The following GHRHR variants were observed in gnomAD, a reference collection of about 807,000 sequenced individuals.
The protein encoded by GHRHR is growth hormone-releasing hormone receptor.
A neutral mutation model predicts 58.3 loss-of-function variants in GHRHR; 40 were observed. That is an observed-to-expected ratio of 0.69 (90% CI 0.53 to 0.89). GHRHR has a LOEUF of 0.89. Ranked by LOEUF, GHRHR falls within the 40% of genes least tolerant of loss-of-function variation. The pLI is 0.00. For missense variants in GHRHR, 551 were observed against 541.3 expected (o/e 1.02, Z -0.18); for synonymous variants, 249 against 216.6 (o/e 1.15, Z -1.31).
chr7:30,967,680 T>TC (rs1303618293), intron 1 of GHRHR, among the ~76,000 whole-genome samples: 1 of 151,380 alleles, frequency 6.6e-6, no homozygotes, highest in African/African-American at 2.4e-5. Flanking sequence ...CTTCCTTCCT[T>TC]CTTTTCTGCC....
Position 30,979,219 on chromosome 7 carries a change from CA to C in GHRHR, c.1250del (p.Lys417ArgfsTer3), listed in dbSNP as rs771060895. On this transcript the variant is annotated frameshift_variant, in exon 13 of 13. Transcript: ENST00000326139. LOFTEE classifies it high-confidence loss of function. ...AKWTTPSRSA[A>X]KVLTSMC ...TGGACCACGCCTTCCCGCTCGGCGGCAAAGGTGCTGACATCTATGTGCTAGG... is the reference window on the plus strand; with the variant it reads ...TGGACCACGCCTTCCCGCTCGGCGGCAAGGTGCTGACATCTATGTGCTAGG... 44 of 1,614,020 alleles carry C rather than the reference CA, an allele frequency of 2.7e-5. No homozygotes were observed. The African/African-American group carries it at 4.0e-4, about 15-fold the overall frequency.
chr7:30,967,647 G>C (rs777922742), intron 1 of GHRHR, among the ~76,000 whole-genome samples: 9 of 143,778 alleles, frequency 6.3e-5, no homozygotes, highest in Non-Finnish European at 1.2e-4. Context: ...CTGTCTGTCT[G>C]TATACTCATC....
At chr7:30,973,508 G>A (rs112237725) in intron 6 of GHRHR, among the ~76,000 whole-genome samples, 2 of 152,168 alleles carry the variant, frequency 1.3e-5, no homozygotes, top group African/African-American at 4.8e-5. Context: ...CTGCTCCCCT[G>A]CCGGCAGGTG....
chr7:30,967,647 G>A (rs777922742), intron 1 of GHRHR, among the ~76,000 whole-genome samples: 1 of 143,778 alleles, frequency 7.0e-6, no homozygotes, highest in Non-Finnish European at 1.5e-5. Flanking sequence ...CTGTCTGTCT[G>A]TATACTCATC....
In GHRHR at chr7:30,976,420, T is replaced by C. The variant is rs549927188; in HGVS notation, c.975-9T>C. ...AGTCTTGGGAGCCTAGGATTTGTCTTTCCTGCAGGCGTCTCTCCAAGTCGA... is the reference window on the plus strand; with the variant it reads ...AGTCTTGGGAGCCTAGGATTTGTCTCTCCTGCAGGCGTCTCTCCAAGTCGA... On this transcript the variant is annotated splice_polypyrimidine_tract_variant and intron_variant, in intron 10 of 12. Transcript: ENST00000326139. 1.6e-5 allele frequency: 26 copies of C among 1,612,846 alleles called. No homozygotes were observed. The East Asian group carries it at 4.0e-4, about 25-fold the overall frequency.
In GHRHR at chr7:30,964,191, A is replaced by G. The variant is rs534727781; in HGVS notation, c.57+66A>G. 337 of 1,388,206 alleles carry G rather than the reference A, an allele frequency of 2.4e-4. 2 individuals are homozygous for G. The highest frequency in any genetic ancestry group is 8.9e-4 in the Middle Eastern group (4 of 4,506). 86.0% of individuals were successfully genotyped at this position (1,388,206 alleles called of 1,614,324 possible). ...CTCCAGATTTGGGAGCCACAGGGCC[A>G]ACTGGAGCCTGGCGGAGACCCTACT... On this transcript the variant is annotated intron_variant, in intron 1 of 12. Coordinates refer to ENST00000326139, the MANE Select transcript of GHRHR (RefSeq NM_000823.4).
At chr7:30,972,152 A>C (rs1792493810) in intron 6 of GHRHR, 57 bp downstream of exon 6, 2 of 1,593,916 alleles carry the variant, frequency 1.3e-6, no homozygotes, top group Non-Finnish European at 8.6e-7. Context: ...GTAGGATTAC[A>C]GACCCAGATG....
In GHRHR at chr7:30,975,019, G is replaced by C. The variant is rs759443322; in HGVS notation, c.861G>C (p.Gly287=). The change falls in exon 9 of 13, where the codon GGG becomes GGC. Residue 287 remains glycine, a synonymous_variant. Transcript: ENST00000326139. ...CCCCCTACTGGTGGATCATCAAAGG[G>C]CCCATTGTCCTCTCGGTCGGGGTCA... ...DTSPYWWIIK[G]PIVLSVGVNF... is the part of the protein sequence containing the mutation. The C allele has an allele frequency of 1.2e-6, 2 of 1,612,544 alleles. No individual in the cohort carries two copies. Among genetic ancestry groups the C allele is most frequent in the Non-Finnish European group, 1.7e-6 (2 of 1,178,622 alleles).
intron 12 of GHRHR, 103 bp from the exon 13 acceptor site, chr7:30,979,016 T>C: frequency 9.1e-7 from 1 of 1,104,326 alleles, no homozygotes; most frequent in South Asian, 1.2e-5. Context: ...GCCCCATGTC[T>C]CTGTTTCTCT....
intron 10 of GHRHR, chr7:30,976,076 A>G: frequency 5.0e-6 from 3 of 602,462 alleles, no homozygotes; most frequent in Middle Eastern, 4.1e-4. Flanking sequence ...CCCATGCCAA[A>G]TAGAACGATG....
At chr7:30,968,107 T>G (rs117853086) in intron 1 of GHRHR, among the ~76,000 whole-genome samples, 1,560 of 152,278 alleles carry the variant, frequency 0.01, 7 homozygotes, top group Non-Finnish European at 0.016. Context: ...TAAGGAGCCT[T>G]GCGATTACAT....
intron 4 of GHRHR, among the ~76,000 whole-genome samples, chr7:30,970,577 G>C (rs1380000569): frequency 6.6e-6 from 1 of 152,224 alleles, no homozygotes; most frequent in African/African-American, 2.4e-5. Context: ...CCCCACAGGA[G>C]AGCTGGGATT....
intron 4 of GHRHR, 24 bp from the exon 5 acceptor site, chr7:30,971,093 CTT>C: frequency 9.6e-7 from 1 of 1,039,654 alleles, no homozygotes; most frequent in Admixed American, 2.0e-5. Flanking sequence ...GAAGCTGAGA[CTT>C]TCTTCTGTCT....
rs200417925 is a variant in GHRHR at position 30,976,530 on chromosome 7, C to G, written c.1076C>G (p.Pro359Arg). 6.2e-7 allele frequency: 1 copy of G among 1,613,562 alleles called. No individual in the cohort carries two copies. Among genetic ancestry groups the G allele is most frequent in the Admixed American group, 1.7e-5 (1 of 59,984 alleles). Residue 359 changes from proline (P) to arginine (R), a missense_variant, in exon 11 of 13, where the codon CCC becomes CGC. By Grantham distance (103) the Pro-to-Arg change is moderately radical. Coordinates refer to ENST00000326139, the MANE Select transcript of GHRHR (RefSeq NM_000823.4). ...AATGCTGGCCTGGGCATCCGCCTCCCCCTGGAGCTGGGACTGGGTTCCTTC... is the reference window on the plus strand; with the variant it reads ...AATGCTGGCCTGGGCATCCGCCTCCGCCTGGAGCTGGGACTGGGTTCCTTC... ...PDNAGLGIRL[P>R]LELGLGSFQG...
intron 12 of GHRHR, among the ~76,000 whole-genome samples, chr7:30,977,972 C>T (rs778303521): frequency 1.3e-5 from 2 of 152,208 alleles, no homozygotes; most frequent in Admixed American, 1.3e-4. Flanking sequence ...CCCCTTAGGA[C>T]AGTCCTGCTC....
Position 30,968,880 on chromosome 7 carries a change from GA to G in GHRHR, c.105del (p.Glu36ArgfsTer57). 6.2e-7 allele frequency: 1 copy of G among 1,613,986 alleles called. No homozygotes were observed. The highest frequency in any genetic ancestry group is 8.5e-7 in the Non-Finnish European group (1 of 1,179,948). ...HPECDFITQL[R>X]EDESACLQAA... Reference sequence around the variant, plus strand: ...GAATGTGACTTCATCACCCAGCTGAGAGAGGATGAGAGTGCCTGTCTACAAG... The same window carrying G: ...GAATGTGACTTCATCACCCAGCTGAGGAGGATGAGAGTGCCTGTCTACAAG... On this transcript the variant is annotated frameshift_variant, in exon 2 of 13. Transcript: ENST00000326139. LOFTEE classifies it high-confidence loss of function.
At chr7:30,977,875 A>G (rs1466445702) in intron 12 of GHRHR, among the ~76,000 whole-genome samples, 1 of 152,194 alleles carries the variant, frequency 6.6e-6, no homozygotes, top group Non-Finnish European at 1.5e-5. Context: ...AAAAGACAGA[A>G]CAGATGGTGC....
At chr7:30,975,103 C>T (rs1792552918) in intron 9 of GHRHR, 63 bp downstream of exon 9, 3 of 1,115,004 alleles carry the variant, frequency 2.7e-6, no homozygotes, top group African/African-American at 1.5e-5. Flanking sequence ...TACTGACGGG[C>T]TGTGCACAGC....
chr7:30,976,295 G>T lies in GHRHR; in HGVS notation c.975-134G>T, dbSNP rs926654684. 3.1e-5 allele frequency: 24 copies of T among 785,338 alleles called. No homozygotes were observed. In the African/African-American group the frequency reaches 3.7e-4, roughly 12 times the overall value. 48.6% of individuals were successfully genotyped at this position (785,338 alleles called of 1,614,324 possible). A position where few individuals can be genotyped will look rare whatever the true frequency, so the allele number is the denominator to read the frequency against. On this transcript the variant is annotated intron_variant, in intron 10 of 12. Transcript: ENST00000326139. ...AAATAAAAAAGCCCAGAGTGATTGTGGGGAGGTGGCGTTTCCCAAGGTGGC... is the reference window on the plus strand; with the variant it reads ...AAATAAAAAAGCCCAGAGTGATTGTTGGGAGGTGGCGTTTCCCAAGGTGGC...
Sources: gnomAD v4.1 joint callset for allele counts (sites outside exome capture counted in the v4.1 genomes callset) on GRCh38, gnomAD v4.1.1 for gene constraint, MANE v1.5 for transcripts, NCBI Gene and HGNC (gene_info 2026-07-23, HGNC 2026-07-21) for gene names.